The following BLTP3B variants were observed in gnomAD, a reference collection of about 807,000 sequenced individuals.
The protein encoded by BLTP3B is bridge-like lipid transfer protein family member 3B, also known as UHRF1 (ICBP90) binding protein 1-like.
At chr12:100,119,182 C>T in the BLTP3B span, among the ~76,000 whole-genome samples, 1 of 151,948 alleles carries the variant, frequency 6.6e-6, no homozygotes, top group Non-Finnish European at 1.5e-5. Flanking sequence ...ATATTTTAAA[C>T]TACCATTAAC....
At chr12:100,039,991 C>A in the BLTP3B span, among the ~76,000 whole-genome samples, 9 of 152,088 alleles carry the variant, frequency 5.9e-5, no homozygotes, top group Non-Finnish European at 8.8e-5. Flanking sequence ...CCTAAGAATT[C>A]TTCCCAAGAA....
At chr12:100,052,070 T>A in the BLTP3B span, among the ~76,000 whole-genome samples, 1 of 129,350 alleles carries the variant, frequency 7.7e-6, no homozygotes, top group African/African-American at 2.8e-5. Flanking sequence ...CCCTTTAAAT[T>A]TTTTTTTTTT....
At chr12:100,140,729 A>AAATATATATATAT in the BLTP3B span, among the ~76,000 whole-genome samples, 1 of 61,492 alleles carries the variant, frequency 1.6e-5, no homozygotes, top group African/African-American at 1.0e-4. Flanking sequence ...AAAAAAAAAA[A>AAATATATATATAT]ATATATATAT....
At chr12:100,122,289 A>T in the BLTP3B span, among the ~76,000 whole-genome samples, 13 of 152,150 alleles carry the variant, frequency 8.5e-5, no homozygotes, top group Non-Finnish European at 1.8e-4. Context: ...TACTACAAAG[A>T]ATATCAAATA....
the BLTP3B span, chr12:100,058,263 G>A: frequency 4.4e-4 from 702 of 1,613,684 alleles, no homozygotes; most frequent in African/African-American, 8.3e-3. Flanking sequence ...ACTTGAATCT[G>A]TATAAAATGA....
chr12:100,131,021 GAGAGAGAGAGAGAA>G, the BLTP3B span, among the ~76,000 whole-genome samples: 19 of 144,812 alleles, frequency 1.3e-4, no homozygotes, highest in African/African-American at 4.3e-4. Context: ...GAGAGAGAGA[GAGAGAGAGAGAGAA>G]AGAGTTTTTT....
the BLTP3B span, among the ~76,000 whole-genome samples, chr12:100,112,633 G>A: frequency 2.6e-4 from 39 of 151,908 alleles, no homozygotes; most frequent in Non-Finnish European, 4.4e-4. Flanking sequence ...TAAATTATGT[G>A]CACTGCACTA....
At chr12:100,063,977 T>G in the BLTP3B span, among the ~76,000 whole-genome samples, 1 of 152,174 alleles carries the variant, frequency 6.6e-6, no homozygotes, top group Admixed American at 6.5e-5. Flanking sequence ...GGAGGTTAGT[T>G]ATTAGGCTAA....
At chr12:100,093,686 C>A in the BLTP3B span, among the ~76,000 whole-genome samples, 2 of 152,130 alleles carry the variant, frequency 1.3e-5, no homozygotes, top group African/African-American at 4.8e-5. Context: ...CATCTTAATG[C>A]AACCATATTC....
chr12:100,075,456 C>G, the BLTP3B span, among the ~76,000 whole-genome samples: 1 of 152,144 alleles, frequency 6.6e-6, no homozygotes. Context: ...AAGACCTCAA[C>G]GGCAATCACA....
chr12:100,063,067 C>T, the BLTP3B span, among the ~76,000 whole-genome samples: 6 of 151,962 alleles, frequency 3.9e-5, no homozygotes, highest in Admixed American at 1.3e-4. Flanking sequence ...AGGTGGCAGG[C>T]GGGAGGCAGG....
the BLTP3B span, chr12:100,059,975 A>T: frequency 6.2e-7 from 1 of 1,613,160 alleles, no homozygotes; most frequent in Non-Finnish European, 8.5e-7. Context: ...TGATTTAACC[A>T]TAGAATGCTT....
chr12:100,099,447 C>T, the BLTP3B span, among the ~76,000 whole-genome samples: 1 of 151,446 alleles, frequency 6.6e-6, no homozygotes, highest in Non-Finnish European at 1.5e-5. Flanking sequence ...GGCAATATAG[C>T]AAGATCCCTG....
chr12:100,142,802 C>A, the BLTP3B span: 376 of 1,007,512 alleles, frequency 3.7e-4, no homozygotes, highest in Admixed American at 4.3e-3. Context: ...CCGCCGAGAA[C>A]CCGGAGCATC....
At chr12:100,129,695 TA>T in the BLTP3B span, among the ~76,000 whole-genome samples, 14 of 152,106 alleles carry the variant, frequency 9.2e-5, no homozygotes, top group Non-Finnish European at 4.4e-5. Context: ...AATGTACTAC[TA>T]AAATAAAGCT....
At chr12:100,106,361 C>T in the BLTP3B span, among the ~76,000 whole-genome samples, 144 of 151,680 alleles carry the variant, frequency 9.5e-4, 1 homozygote, top group Non-Finnish European at 1.4e-3. Flanking sequence ...AATCTAAGTG[C>T]CCATCAACCT....
chr12:100,050,077 T>C, the BLTP3B span: 1 of 1,221,294 alleles, frequency 8.2e-7, no homozygotes, highest in Middle Eastern at 2.3e-4. Context: ...AATTCAATTA[T>C]AGCCAAGATA....
chr12:100,115,697 G>A, the BLTP3B span, among the ~76,000 whole-genome samples: 1 of 152,060 alleles, frequency 6.6e-6, no homozygotes, highest in Non-Finnish European at 1.5e-5. Flanking sequence ...CCGGGAGATT[G>A]AGGCTGCAGA....
chr12:100,110,890 A>G, the BLTP3B span, among the ~76,000 whole-genome samples: 3 of 152,208 alleles, frequency 2.0e-5, no homozygotes, highest in Non-Finnish European at 2.9e-5. Context: ...CTCAAACAGA[A>G]TATTTGACTA....
Sources: gnomAD v4.1 joint callset for allele counts (sites outside exome capture counted in the v4.1 genomes callset) on GRCh38, gnomAD v4.1.1 for gene constraint, MANE v1.5 for transcripts, NCBI Gene and HGNC (gene_info 2026-07-23, HGNC 2026-07-21) for gene names.